The following OPHN1 variants were observed in gnomAD, a reference collection of about 807,000 sequenced individuals.
OPHN1 encodes the protein oligophrenin 1, also known as oligophrenin-1.
A neutral mutation model predicts 60.7 loss-of-function variants in OPHN1; 11 were observed. The observed-to-expected ratio is 0.18, with a 90% confidence interval of 0.11 to 0.30. OPHN1 has a LOEUF of 0.30. Among genes scored for constraint, OPHN1 ranks in the 10% least tolerant of loss-of-function variants. The probability of loss-of-function intolerance (pLI) is 1.00; values close to 1 mark genes in which losing one functional copy is unlikely to be tolerated. For synonymous variants in OPHN1, 226 were observed against 222.6 expected (o/e 1.02, Z -0.14); for missense variants, 449 against 611.0 (o/e 0.73, Z 2.80).
chrX:68,271,111 A>T (rs899963898), intron 5 of OPHN1, among the ~76,000 whole-genome samples: 1 of 111,906 alleles, frequency 8.9e-6, no homozygotes, highest in African/African-American at 3.2e-5. Context: ...GCTAAGTCCA[A>T]TCAGGAGATA....
intron 15 of OPHN1, among the ~76,000 whole-genome samples, chrX:68,161,436 G>T (rs979011810): frequency 9.0e-6 from 1 of 110,661 alleles, no homozygotes; most frequent in Non-Finnish European, 1.9e-5. Flanking sequence ...GATAATAAAT[G>T]TATTTAAAAA....
At chrX:68,201,364 A>G (rs751927206) in intron 11 of OPHN1, among the ~76,000 whole-genome samples, 2 of 112,007 alleles carry the variant, frequency 1.8e-5, no homozygotes, top group African/African-American at 6.5e-5. Context: ...AAATCCCAGG[A>G]GAGACTTTTT....
At chrX:68,088,926 C>A (rs1390291566) in intron 19 of OPHN1, among the ~76,000 whole-genome samples, 1 of 110,991 alleles carries the variant, frequency 9.0e-6, no homozygotes, top group Non-Finnish European at 1.9e-5. Flanking sequence ...TATTCTCACT[C>A]TAGGGATATC....
chrX:68,207,298 T>C (rs12014339), intron 9 of OPHN1, among the ~76,000 whole-genome samples: 2,977 of 107,850 alleles, frequency 0.028, 100 homozygotes, highest in African/African-American at 0.096. Flanking sequence ...CCGGCTAACT[T>C]TTTGTATTTT....
At chrX:68,217,134 G>A (rs902077050) in intron 6 of OPHN1, among the ~76,000 whole-genome samples, 1 of 111,978 alleles carries the variant, frequency 8.9e-6, no homozygotes, top group Admixed American at 9.4e-5. Flanking sequence ...AGGGGTCAGC[G>A]AGTTCCCTTT....
intron 20 of OPHN1, chrX:68,070,875 T>C (rs1202303835): frequency 6.0e-6 from 7 of 1,166,347 alleles, no homozygotes; most frequent in African/African-American, 3.6e-5. Flanking sequence ...CCACAGTGGC[T>C]TGGCCAGTCT....
At chrX:68,319,153 G>C (rs2078223380) in intron 2 of OPHN1, among the ~76,000 whole-genome samples, 1 of 111,217 alleles carries the variant, frequency 9.0e-6, no homozygotes, top group African/African-American at 3.3e-5. Flanking sequence ...AGGGTGAAAT[G>C]GAATATCTAC....
intron 2 of OPHN1, among the ~76,000 whole-genome samples, chrX:68,393,433 G>A (rs944943512): frequency 1.8e-5 from 2 of 111,240 alleles, no homozygotes; most frequent in Non-Finnish European, 3.8e-5. Flanking sequence ...TGGGACCACA[G>A]GCACACACCA....
chrX:68,089,290 C>T (rs1185936281), intron 19 of OPHN1, among the ~76,000 whole-genome samples: 3 of 111,466 alleles, frequency 2.7e-5, no homozygotes, highest in Non-Finnish European at 5.7e-5. Context: ...ACAAGAAAAT[C>T]GCTGGCCATT....
intron 5 of OPHN1, among the ~76,000 whole-genome samples, chrX:68,266,021 G>A (rs1390556854): frequency 9.0e-6 from 1 of 111,660 alleles, no homozygotes; most frequent in Non-Finnish European, 1.9e-5. Flanking sequence ...AGAAATATGG[G>A]ACTATGTGAA....
rs200836157 is a variant in OPHN1, at chrX:68,106,015, T to TA, written c.1526+5838dup. ...AAAGAACAGCATAATCTCATTTTGG[T>TA]AAAAAAAAATGCAAACAGGTATGTG... On this transcript the variant is annotated intron_variant, in intron 18 of 24. Transcript: ENST00000355520. 4.5e-3 allele frequency among the ~76,000 whole-genome samples: 456 copies of TA among 100,350 alleles called. 3 individuals are homozygous for TA. The highest frequency in any genetic ancestry group is 0.013 in the African/African-American group (345 of 27,155). 87.1% of individuals were successfully genotyped at this position (100,350 alleles called of 115,157 possible).
chrX:68,362,894 G>C (rs1195311131), intron 2 of OPHN1, among the ~76,000 whole-genome samples: 1 of 111,047 alleles, frequency 9.0e-6, no homozygotes, highest in African/African-American at 3.3e-5. Flanking sequence ...GGGCTTGGGA[G>C]GTATATGAGG....
At chrX:68,328,862 T>C (rs1294812572) in intron 2 of OPHN1, among the ~76,000 whole-genome samples, 1 of 112,241 alleles carries the variant, frequency 8.9e-6, no homozygotes, top group East Asian at 2.8e-4. Flanking sequence ...TAAGGAATAA[T>C]GAGATACCAT....
At chrX:68,077,946 T>C (rs2076959536) in intron 19 of OPHN1, among the ~76,000 whole-genome samples, 1 of 112,111 alleles carries the variant, frequency 8.9e-6, no homozygotes, top group Non-Finnish European at 1.9e-5. Context: ...GCCTCTGTCA[T>C]GTTAGGCAAG....
At chrX:68,369,776 C>T (rs1312906947) in intron 2 of OPHN1, among the ~76,000 whole-genome samples, 3 of 107,788 alleles carry the variant, frequency 2.8e-5, no homozygotes, top group Non-Finnish European at 5.7e-5. Flanking sequence ...AAAATGTCCC[C>T]AATTTGATGA....
intron 2 of OPHN1, among the ~76,000 whole-genome samples, chrX:68,420,169 C>T (rs1421757638): frequency 5.4e-5 from 6 of 111,718 alleles, no homozygotes; most frequent in Non-Finnish European, 9.4e-5. Flanking sequence ...CGGCTACTTC[C>T]GTTTCTCTAC....
chrX:68,144,164 G>C (rs1440913105), intron 15 of OPHN1, among the ~76,000 whole-genome samples: 2 of 110,757 alleles, frequency 1.8e-5, no homozygotes, highest in East Asian at 5.7e-4. Flanking sequence ...AAGTACAGGA[G>C]AATGCCACCA....
At chrX:68,311,330 A>AAT in intron 2 of OPHN1, among the ~76,000 whole-genome samples, 1 of 112,198 alleles carries the variant, frequency 8.9e-6, no homozygotes, top group East Asian at 2.8e-4. Flanking sequence ...CAAAATGGAT[A>AAT]ATATATATTT....
chrX:68,239,378 T>C (rs1449453655), intron 5 of OPHN1, among the ~76,000 whole-genome samples: 2 of 110,685 alleles, frequency 1.8e-5, no homozygotes, highest in Non-Finnish European at 3.8e-5. Context: ...GGGGTTTTTA[T>C]AGGCAAAGGA....
Sources: allele counts gnomAD v4.1 joint callset (sites outside exome capture counted in the v4.1 genomes callset), GRCh38; gene constraint gnomAD v4.1.1; transcripts MANE v1.5; gene names NCBI Gene and HGNC (gene_info 2026-07-23, HGNC 2026-07-21).